Variants in BAP1 observed in about 807,000 individuals in gnomAD.
The protein encoded by BAP1 is BRCA1 associated deubiquitinase 1.
A neutral mutation model predicts 77.2 loss-of-function variants in BAP1; 16 were observed. The observed-to-expected ratio is 0.21, with a 90% confidence interval of 0.14 to 0.31. The LOEUF (loss-of-function observed/expected upper bound fraction) is 0.31. Among genes scored for constraint, BAP1 ranks in the 10% least tolerant of loss-of-function variants. The pLI is 1.00. For missense variants in BAP1, 699 were observed against 967.3 expected (o/e 0.72, Z 3.68); for synonymous variants, 362 against 385.2 (o/e 0.94, Z 0.71).
rs1705221915 is a variant in BAP1 at position 52,408,038 on chromosome 3, C to T, written c.295G>A (p.Val99Met). 1 of 1,613,052 alleles carries T rather than the reference C, an allele frequency of 6.2e-7. No individual in the cohort carries two copies. The highest frequency in any genetic ancestry group is 8.5e-7 in the Non-Finnish European group (1 of 1,179,548). ...NSCATHALLS[V>M]LLNCSSVDLG... Reference sequence around the variant, plus strand: ...TCCACGCTGCTGCAGTTCAGGAGCACGCTCAGCAAGGCATGAGTTGCACAA... The same window carrying T: ...TCCACGCTGCTGCAGTTCAGGAGCATGCTCAGCAAGGCATGAGTTGCACAA... The change falls in exon 5 of 17, where the codon GTG (valine) becomes ATG (methionine). Residue 99 changes from valine to methionine, a missense_variant. Transcript: ENST00000460680.
In BAP1 at chr3:52,408,473, C is replaced by CCTGGTGG; in HGVS notation, c.249_255dup (p.Leu86ProfsTer42). On this transcript the variant is annotated frameshift_variant and splice_region_variant. Coordinates refer to ENST00000460680, the MANE Select transcript of BAP1 (RefSeq NM_004656.4). LOFTEE classifies it high-confidence loss of function. ...CAAACAAAGCACAGAGTCCAGCAGACCTGGTGGGCAAAGAACATGTTATTC... is the reference window on the plus strand; with the variant it reads ...CAAACAAAGCACAGAGTCCAGCAGACCTGGTGGCTGGTGGGCAAAGAACATGTTATTC... 6.2e-7 allele frequency: 1 copy of CCTGGTGG among 1,610,836 alleles called. No homozygotes were observed. The highest frequency in any genetic ancestry group is 1.3e-5 in the African/African-American group (1 of 74,998).
intron 10 of BAP1, 195 bp from the exon 11 acceptor site, chr3:52,405,489 GAAGAAA>G (rs1290836952): frequency 0.037 from 2,121 of 56,686 alleles, 24 homozygotes; most frequent in South Asian, 0.23. Context: ...AAAGAAGCAG[GAAGAAA>G]AAAAAAAAAA....
At chr3:52,404,636 T>C in intron 11 of BAP1, 50 bp from the exon 12 acceptor site, 1 of 1,587,052 alleles carries the variant, frequency 6.3e-7, no homozygotes, top group South Asian at 1.1e-5. Context: ...CGGCCCAGGC[T>C]GAGCCTAGAC....
At position 52,403,648 on chromosome 3, in the gene BAP1, G is replaced by C. The variant is rs777417522; in HGVS notation, c.1497C>G (p.Ile499Met). 6.2e-7 allele frequency: 1 copy of C among 1,613,714 alleles called. No homozygotes were observed. The highest frequency in any genetic ancestry group is 8.5e-7 in the Non-Finnish European group (1 of 1,179,674). Residue 499 changes from isoleucine (I) to methionine (M), a missense_variant, in exon 13 of 17, where the codon ATC becomes ATG. By Grantham distance (10) the Ile-to-Met change is conservative (BLOSUM62 1). Coordinates refer to ENST00000460680, the MANE Select transcript of BAP1 (RefSeq NM_004656.4). This position sits in a 1 kb window ranked among gnomAD's most constrained non-coding sequence, Gnocchi z 4.0. Reference protein sequence around the residue: ...SNESTDTASEIGSAFNSPLRS... With the variant: ...SNESTDTASEMGSAFNSPLRS... ...GCAGTGGCGAGTTGAAAGCACTGCC[G>C]ATCTCAGAGGCCGTGTCTGTACTCT...
rs1553645502 is a variant in BAP1, at chr3:52,405,878, G to C, written c.818C>G (p.Thr273Ser). The change falls in exon 10 of 17, where the codon ACC becomes AGC. Residue 273 changes from threonine to serine, a missense_variant. By Grantham distance (58) the Thr-to-Ser change is moderately conservative. Coordinates refer to ENST00000460680, the MANE Select transcript of BAP1 (RefSeq NM_004656.4). ...IRVTQPELIQ[T>S]HKSQESQLPE... ...CAGCTGTGACTCTTGAGACTTGTGGGTCTGAATCAGCTCTGGCTGTGTTAC... is the reference window on the plus strand; with the variant it reads ...CAGCTGTGACTCTTGAGACTTGTGGCTCTGAATCAGCTCTGGCTGTGTTAC... The C allele has an allele frequency of 6.2e-7, 1 of 1,614,148 alleles. No homozygotes were observed. Among genetic ancestry groups the C allele is most frequent in the Non-Finnish European group, 8.5e-7 (1 of 1,180,050 alleles).
At position 52,409,586 on chromosome 3, in the gene BAP1, C is replaced by G; in HGVS notation, c.90G>C (p.Glu30Asp). The G allele has an allele frequency of 1.2e-6, 2 of 1,614,146 alleles. No homozygotes were observed. The highest frequency in any genetic ancestry group is 1.7e-6 in the Non-Finnish European group (2 of 1,180,012). ...EDFGVKGVQV[E>D]EIYDLQSKCQ... ...ATTTGCTCTGAAGGTCGTAGATCTC[C>G]TCCACTTGCACCCCCTTGACACCTG... The change falls in exon 3 of 17, where the codon GAG becomes GAC. Residue 30 changes from glutamate to aspartate, a missense_variant. Around this residue, in one of 3 missense-constraint regions of BAP1, gnomAD observed 160 missense variants for 322.8 expected, o/e 0.50. Coordinates refer to ENST00000460680, the MANE Select transcript of BAP1 (RefSeq NM_004656.4).
At position 52,403,335 on chromosome 3, in the gene BAP1, A is replaced by G. The variant is rs773242110; in HGVS notation, c.1730-37T>C. ...GGTCACAAGAAAATCATCAGAGTGC[A>G]GGACACTTTGTGGTCACTTGGCCAC... On this transcript the variant is annotated intron_variant, in intron 13 of 16. Transcript: ENST00000460680. This position sits in a 1 kb window ranked among gnomAD's most constrained non-coding sequence, Gnocchi z 4.0. 1.2e-6 allele frequency: 2 copies of G among 1,612,982 alleles called. No individual in the cohort carries two copies. The highest frequency in any genetic ancestry group is 1.7e-6 in the Non-Finnish European group (2 of 1,179,892).
chr3:52,403,082 A>T lies in BAP1; in HGVS notation c.1890+56T>A, dbSNP rs1389482145. 33 of 1,604,668 alleles carry T rather than the reference A, an allele frequency of 2.1e-5. No homozygotes were observed. The highest frequency in any genetic ancestry group is 2.7e-5 in the Non-Finnish European group (32 of 1,178,538). On this transcript the variant is annotated intron_variant, in intron 14 of 16. Coordinates refer to ENST00000460680, the MANE Select transcript of BAP1 (RefSeq NM_004656.4). The surrounding 1 kb of genome is among the most constrained non-coding windows in gnomAD (Gnocchi z 4.0). ...AAGAACTTGGCACCTGGGCAGGAGG[A>T]GCTCAGGCCTTACCCTCTGCCAGGA... is the stretch of plus-strand genomic sequence containing the variant.
intron 5 of BAP1, 60 bp from the exon 6 acceptor site, chr3:52,407,520 G>A (rs775440548): frequency 6.8e-5 from 110 of 1,607,614 alleles, no homozygotes; most frequent in Admixed American, 1.8e-4. Context: ...GACTATGGGT[G>A]GAAGGCAAAG....
At chr3:52,408,214 C>T in intron 4 of BAP1, 137 bp from the exon 5 acceptor site, 4 of 1,440,278 alleles carry the variant, frequency 2.8e-6, no homozygotes, top group Non-Finnish European at 3.8e-6. Context: ...TCATCTTTGC[C>T]TAATGTTTAT....
In BAP1 at chr3:52,402,142, T is replaced by C. The variant is rs766340708; in HGVS notation, c.*146A>G. 6.0e-6 allele frequency: 8 copies of C among 1,344,524 alleles called. No individual in the cohort carries two copies. The highest frequency in any genetic ancestry group is 2.1e-5 in the Admixed American group (1 of 47,656). 83.3% of individuals were successfully genotyped at this position (1,344,524 alleles called of 1,614,324 possible). On this transcript the variant is annotated 3_prime_UTR_variant, in exon 17 of 17. Coordinates refer to ENST00000460680, the MANE Select transcript of BAP1 (RefSeq NM_004656.4). The surrounding 1 kb of genome is among the most constrained non-coding windows in gnomAD (Gnocchi z 5.3). Reference sequence around the variant, plus strand: ...AGGCCTCAGGGCACGATGGAAGGAATGTGGCCTGGTTCCTCCCATTCCCAG... The same window carrying C: ...AGGCCTCAGGGCACGATGGAAGGAACGTGGCCTGGTTCCTCCCATTCCCAG...
intron 4 of BAP1, 108 bp from the exon 5 acceptor site, chr3:52,408,185 C>T (rs1226667228): frequency 4.0e-6 from 6 of 1,509,942 alleles, no homozygotes; most frequent in African/African-American, 2.8e-5. Context: ...ATCTGGACAA[C>T]TCCCCTTCTC....
rs1217932827 is a variant in BAP1 at position 52,402,854 on chromosome 3, C to T, written c.1908G>A (p.Leu636=). The T allele has an allele frequency of 6.2e-7, 1 of 1,614,192 alleles. No individual in the cohort carries two copies. Among genetic ancestry groups the T allele is most frequent in the South Asian group, 1.1e-5 (1 of 91,088 alleles). The stretch of plus-strand genomic sequence containing the variant: ...TTGCAATCTCAGCCTCCACACACTT[C>T]AGCAGTGCCAGCAGCTCCTGCCAAA... ...KYSPKELLAL[L]KCVEAEIANY... Residue 636 remains leucine (L), a synonymous_variant, in exon 15 of 17, where the codon CTG becomes CTA. Transcript: ENST00000460680. The surrounding 1 kb of genome is among the most constrained non-coding windows in gnomAD (Gnocchi z 5.3).
At position 52,409,577 on chromosome 3, in the gene BAP1, G is replaced by A. The variant is rs1374753716; in HGVS notation, c.99C>T (p.Tyr33=). 9 of 1,614,060 alleles carry A rather than the reference G, an allele frequency of 5.6e-6. No homozygotes were observed. The highest frequency in any genetic ancestry group is 1.7e-5 in the Admixed American group (1 of 60,016). Residue 33 remains tyrosine (Y), a synonymous_variant, in exon 3 of 17, where the codon TAC becomes TAT. Coordinates refer to ENST00000460680, the MANE Select transcript of BAP1 (RefSeq NM_004656.4). The part of the protein sequence containing the change: ...GVKGVQVEEI[Y]DLQSKCQGPV... ...ACCCCTGACATTTGCTCTGAAGGTC[G>A]TAGATCTCCTCCACTTGCACCCCCT...
rs2153226379 is a variant in BAP1, at chr3:52,402,924, C to T, written c.1891-53G>A. ...ATCGGGGCGGGCCAGCAACAAAGCC[C>T]CACGAGCAATAGGCAGCTAGAGGCA... On this transcript the variant is annotated intron_variant, in intron 14 of 16. Coordinates refer to ENST00000460680, the MANE Select transcript of BAP1 (RefSeq NM_004656.4). This position sits in a 1 kb window ranked among gnomAD's most constrained non-coding sequence, Gnocchi z 5.3. The T allele has an allele frequency of 1.2e-6, 2 of 1,612,998 alleles. No homozygotes were observed. The highest frequency in any genetic ancestry group is 1.7e-6 in the Non-Finnish European group (2 of 1,180,022).
rs753629908 is a variant in BAP1, at chr3:52,408,518, C to A, written c.211G>T (p.Val71Leu). ...KVSTLVDDTS[V>L]IDDDIVNNMF... ...TTATTCACAATATCATCATCAATCA[C>A]GGACGTATCATCCACCAAGGTAGAG... Residue 71 changes from valine (V) to leucine (L), a missense_variant, in exon 4 of 17, where the codon GTG becomes TTG. Transcript: ENST00000460680. 6.2e-7 allele frequency: 1 copy of A among 1,612,130 alleles called. No homozygotes were observed. The highest frequency in any genetic ancestry group is 8.5e-7 in the Non-Finnish European group (1 of 1,179,206).
chr3:52,408,342 T>C, intron 4 of BAP1, 132 bp downstream of exon 4: 1 of 1,431,484 alleles, frequency 7.0e-7, no homozygotes, highest in Non-Finnish European at 9.6e-7. Context: ...CAGTTCGTTC[T>C]GCCAGAGGAT....
At position 52,401,716 on chromosome 3, in the gene BAP1, T is replaced by C. The variant is rs970337412; in HGVS notation, c.*572A>G. 1.7e-5 allele frequency: 4 copies of C among 239,444 alleles called. No homozygotes were observed. The highest frequency in any genetic ancestry group is 8.8e-5 in the African/African-American group (4 of 45,368). The allele number at this position is 239,444 out of a possible 1,614,324, so 14.8% of individuals were successfully genotyped here. ...AGTGCTGGGTCCCTGAGTTTGGCAC[T>C]CTCCTAAGAGGAATGAAGAGAGAAG... is the stretch of plus-strand genomic sequence containing the variant. On this transcript the variant is annotated 3_prime_UTR_variant, in exon 17 of 17. Transcript: ENST00000460680.
In BAP1 at chr3:52,402,958, C is replaced by G. The variant is rs1320346392; in HGVS notation, c.1891-87G>C. Reference sequence around the variant, plus strand: ...ATAGGCAGCTAGAGGCAAGGATGAGCAGCGAGTCCATGCCTATCAAGGCCC... The same window carrying G: ...ATAGGCAGCTAGAGGCAAGGATGAGGAGCGAGTCCATGCCTATCAAGGCCC... On this transcript the variant is annotated intron_variant, in intron 14 of 16. Transcript: ENST00000460680. This position sits in a 1 kb window ranked among gnomAD's most constrained non-coding sequence, Gnocchi z 5.3. 1 of 1,606,464 alleles carries G rather than the reference C, an allele frequency of 6.2e-7. No homozygotes were observed. Among genetic ancestry groups the G allele is most frequent in the Non-Finnish European group, 8.5e-7 (1 of 1,179,402 alleles).
Sources: gnomAD v4.1 joint callset for allele counts on GRCh38, gnomAD v4.1.1 for gene constraint, gnomAD v4.1.1 regional missense constraint, Gnocchi (gnomAD v3.1) non-coding constraint, MANE v1.5 for transcripts, NCBI Gene and HGNC (gene_info 2026-07-23, HGNC 2026-07-21) for gene names.